Variants in ZBTB7C observed in about 807,000 individuals in gnomAD.
The protein encoded by ZBTB7C is zinc finger and BTB domain containing 7C, also known as zinc finger and BTB domain-containing protein 7C.
A neutral mutation model predicts 25.7 loss-of-function variants in ZBTB7C; 8 were observed. That is an observed-to-expected ratio of 0.31 (90% confidence interval 0.18 to 0.56). The LOEUF is 0.56. Ranked by LOEUF, ZBTB7C falls within the 20% of genes least tolerant of loss-of-function variation. The probability of loss-of-function intolerance (pLI) is 0.91; values close to 1 mark genes in which losing one functional copy is unlikely to be tolerated. For missense variants in ZBTB7C, 824 were observed against 855.2 expected, an observed-to-expected ratio of 0.96 and a Z score of 0.46; for synonymous variants, 394 against 369.0, an observed-to-expected ratio of 1.07 and a Z score of -0.78.
rs148878535 is a variant in ZBTB7C, at chr18:48,074,906, T to A, written c.-16-33783A>T. On this transcript the variant is annotated intron_variant, in intron 3 of 4. Transcript: ENST00000590800. ...TCCTCTCCATTCAGTGATGTTTTTG[T>A]GATGGGTCACACACTTATTAACATA... is the stretch of plus-strand genomic sequence containing the variant. Among the ~76,000 whole-genome samples the A allele has an allele frequency of 2.9e-3, 445 of 152,334 alleles. 4 individuals carry two copies. In the South Asian group the frequency reaches 0.033, roughly 11 times the overall value.
At chr18:48,407,066 G>A (rs2048299274) in intron 1 of ZBTB7C, among the ~76,000 whole-genome samples, 1 of 152,204 alleles carries the variant, frequency 6.6e-6, no homozygotes, top group Non-Finnish European at 1.5e-5. Context: ...ACTCATTGAT[G>A]TTTAATGGCT....
intron 2 of ZBTB7C, among the ~76,000 whole-genome samples, chr18:48,191,762 T>C (rs1213725146): frequency 6.6e-6 from 1 of 152,170 alleles, no homozygotes; most frequent in Non-Finnish European, 1.5e-5. Flanking sequence ...GAGTCTGCAG[T>C]GACAGGGAGG....
At chr18:48,256,159 G>T (rs910524855) in intron 2 of ZBTB7C, among the ~76,000 whole-genome samples, 1 of 151,994 alleles carries the variant, frequency 6.6e-6, no homozygotes, top group Non-Finnish European at 1.5e-5. Flanking sequence ...ACAGTTCCAA[G>T]AAGCTCAAGA....
chr18:48,187,624 T>C (rs1485882467), intron 2 of ZBTB7C, among the ~76,000 whole-genome samples: 2 of 151,978 alleles, frequency 1.3e-5, no homozygotes, highest in African/African-American at 2.4e-5. Flanking sequence ...CCATCCTGGC[T>C]AACACGGTGA....
chr18:48,042,282 A>AAAC (rs1053008372), intron 3 of ZBTB7C, among the ~76,000 whole-genome samples: 5 of 152,200 alleles, frequency 3.3e-5, no homozygotes, highest in African/African-American at 1.2e-4. Context: ...AAAACAAAAC[A>AAAC]AACAACAAAT....
At chr18:48,155,318 C>CTTTT (rs578058729) in intron 3 of ZBTB7C, among the ~76,000 whole-genome samples, 5 of 78,004 alleles carry the variant, frequency 6.4e-5, no homozygotes, top group Non-Finnish European at 9.4e-5. Context: ...CTGTAATATT[C>CTTTT]TTTTTTTTTT....
At chr18:48,196,959 C>G (rs1313683437) in intron 2 of ZBTB7C, among the ~76,000 whole-genome samples, 1 of 152,180 alleles carries the variant, frequency 6.6e-6, no homozygotes, top group Non-Finnish European at 1.5e-5. Context: ...ACCACCTGGC[C>G]CCCACAACCA....
chr18:48,318,426 C>T (rs538854323), intron 2 of ZBTB7C, among the ~76,000 whole-genome samples: 1 of 152,144 alleles, frequency 6.6e-6, no homozygotes, highest in Admixed American at 6.5e-5. Context: ...CTTCTGCCTT[C>T]CCGGCTGGTC....
rs938454035 is a variant in ZBTB7C, at chr18:48,071,540, T to C, written c.-16-30417A>G. ...AATTGGAACCCTTGTGCCTGACTGG[T>C]AGGAATATAAAATGCTGCAGCTGCT... On this transcript the variant is annotated intron_variant, in intron 3 of 4. Transcript: ENST00000590800. 2.6e-5 allele frequency among the ~76,000 whole-genome samples: 4 copies of C among 152,146 alleles called. No homozygotes were observed. The South Asian group carries it at 8.3e-4, about 32-fold the overall frequency.
chr18:48,319,199 G>A (rs985907549), intron 2 of ZBTB7C, among the ~76,000 whole-genome samples: 2 of 151,950 alleles, frequency 1.3e-5, no homozygotes, highest in Non-Finnish European at 2.9e-5. Context: ...GTCTGGGAAA[G>A]TGTGTGTGTG....
At chr18:48,409,836 A>G (rs2048362894), upstream of ZBTB7C, among the ~76,000 whole-genome samples, 1 of 149,124 alleles carries the variant, frequency 6.7e-6, no homozygotes, top group Non-Finnish European at 1.5e-5. Flanking sequence ...ATTTAAAGGG[A>G]CAGCCCCGGC....
At chr18:48,190,149 C>T (rs1478300995) in intron 2 of ZBTB7C, among the ~76,000 whole-genome samples, 23 of 152,186 alleles carry the variant, frequency 1.5e-4, no homozygotes, top group Non-Finnish European at 1.5e-5. Flanking sequence ...GGTGGGAGTG[C>T]AGTGTCTGTC....
intron 1 of ZBTB7C, among the ~76,000 whole-genome samples, chr18:48,371,397 A>T (rs1197516225): frequency 6.6e-6 from 1 of 152,232 alleles, no homozygotes; most frequent in African/African-American, 2.4e-5. Flanking sequence ...TAAAATGCCT[A>T]TGCCCACCCA....
intron 2 of ZBTB7C, among the ~76,000 whole-genome samples, chr18:48,192,805 T>C (rs940179531): frequency 2.0e-5 from 3 of 152,206 alleles, no homozygotes; most frequent in African/African-American, 7.2e-5. Flanking sequence ...TATTGTGTCA[T>C]CGATTATAAC....
chr18:48,167,592 G>GTA (rs2041304504), intron 3 of ZBTB7C, among the ~76,000 whole-genome samples: 1 of 150,846 alleles, frequency 6.6e-6, no homozygotes, highest in African/African-American at 2.5e-5. Context: ...GTGTGTGTGT[G>GTA]TGTGTGCGCG....
chr18:48,104,996 C>T (rs2038979330), intron 3 of ZBTB7C, among the ~76,000 whole-genome samples: 1 of 152,218 alleles, frequency 6.6e-6, no homozygotes, highest in East Asian at 1.9e-4. Flanking sequence ...ACAGTGCTCA[C>T]CATTGGAAAC....
Position 48,389,368 on chromosome 18 carries a change from C to CA in ZBTB7C, c.-304+19857dup, listed in dbSNP as rs36028137. On this transcript the variant is annotated intron_variant, in intron 1 of 4. Coordinates refer to ENST00000590800, the MANE Select transcript of ZBTB7C (RefSeq NM_001318841.2). ...AAGGCAGAGGGCTTCAAAGATAGAC[C>CA]AAAAAAAAAAAAAAAAAGTGGATTC... 9.5e-3 allele frequency among the ~76,000 whole-genome samples: 1,037 copies of CA among 109,186 alleles called. 19 individuals are homozygous for CA. The highest frequency in any genetic ancestry group is 0.03 in the African/African-American group (888 of 29,866). The allele number at this position is 109,186 out of a possible 152,430, so 71.6% of individuals were successfully genotyped here.
chr18:48,220,603 TAC>T (rs1397184696), intron 2 of ZBTB7C, among the ~76,000 whole-genome samples: 1 of 152,166 alleles, frequency 6.6e-6, no homozygotes, highest in Non-Finnish European at 1.5e-5. Context: ...ATTTAGCTTT[TAC>T]AGACAGTCCA....
At chr18:48,157,912 A>T (rs529720483) in intron 3 of ZBTB7C, among the ~76,000 whole-genome samples, 1 of 152,146 alleles carries the variant, frequency 6.6e-6, no homozygotes, top group Non-Finnish European at 1.5e-5. Flanking sequence ...GAGAAATTCA[A>T]TCCCACTCAA....
Sources: allele counts gnomAD v4.1 joint callset (sites outside exome capture counted in the v4.1 genomes callset), GRCh38; gene constraint gnomAD v4.1.1; transcripts MANE v1.5; gene names NCBI Gene and HGNC (gene_info 2026-07-23, HGNC 2026-07-21).